Variants in ADGRB3 observed in about 807,000 individuals in gnomAD.
The protein encoded by ADGRB3 is adhesion G protein-coupled receptor B3.
In ADGRB3, 37 loss-of-function variants were observed where a neutral mutation model predicts 193.4. That is an observed-to-expected ratio of 0.19 (90% confidence interval 0.15 to 0.25). The LOEUF is 0.25. Ranked by LOEUF, ADGRB3 falls within the 10% of genes least tolerant of loss-of-function variation. The pLI is 1.00. For synonymous variants in ADGRB3, 690 were observed against 644.2 expected (o/e 1.07, Z -1.08); for missense variants, 1,637 against 1,852.9 (o/e 0.88, Z 2.14).
chr6:69,108,146 A>G (rs1249571122), intron 17 of ADGRB3, among the ~76,000 whole-genome samples: 2 of 152,100 alleles, frequency 1.3e-5, no homozygotes, highest in Admixed American at 1.3e-4. Context: ...CACAGAAACT[A>G]TTCAGTCTTT....
intron 3 of ADGRB3, among the ~76,000 whole-genome samples, chr6:68,767,578 A>G (rs1016616249): frequency 1.3e-5 from 2 of 152,214 alleles, no homozygotes; most frequent in Non-Finnish European, 2.9e-5. Context: ...ACCCGTAGCC[A>G]ATATCATATT....
chr6:69,065,166 C>A (rs2150308810), intron 16 of ADGRB3, among the ~76,000 whole-genome samples: 1 of 152,212 alleles, frequency 6.6e-6, no homozygotes, highest in East Asian at 1.9e-4. Context: ...GAATATATCT[C>A]CACTCTAGAA....
intron 17 of ADGRB3, among the ~76,000 whole-genome samples, chr6:69,202,024 A>G (rs1765436572): frequency 6.6e-6 from 1 of 152,110 alleles, no homozygotes; most frequent in African/African-American, 2.4e-5. Context: ...GTGCCATAGG[A>G]CACCATTCCT....
intron 3 of ADGRB3, among the ~76,000 whole-genome samples, chr6:68,740,260 T>A (rs1392523011): frequency 6.6e-6 from 1 of 152,200 alleles, no homozygotes; most frequent in African/African-American, 2.4e-5. Flanking sequence ...TGTTATCACT[T>A]ATATCCAAAG....
At chr6:69,238,926 C>T (rs1001200263) in intron 19 of ADGRB3, among the ~76,000 whole-genome samples, 198 bp from the exon 20 acceptor site, 1 of 151,988 alleles carries the variant, frequency 6.6e-6, no homozygotes, top group Admixed American at 6.6e-5. Context: ...GACGCTTGCA[C>T]ATGCCATACC....
At chr6:68,975,452 A>C (rs925975465) in intron 10 of ADGRB3, 112 bp downstream of exon 10, 2 of 765,632 alleles carry the variant, frequency 2.6e-6, no homozygotes, top group African/African-American at 3.5e-5. Flanking sequence ...TCTAAAAAAG[A>C]AATGCCTGAA....
intron 17 of ADGRB3, among the ~76,000 whole-genome samples, chr6:69,182,625 T>A (rs1775618184): frequency 6.6e-6 from 1 of 152,126 alleles, no homozygotes; most frequent in Non-Finnish European, 1.5e-5. Context: ...ATCACTGCCA[T>A]TATTTCTGCA....
intron 3 of ADGRB3, among the ~76,000 whole-genome samples, chr6:68,723,641 T>TG (rs1470981578): frequency 3.3e-5 from 5 of 151,742 alleles, no homozygotes; most frequent in Non-Finnish European, 7.4e-5. Flanking sequence ...GGATATACCT[T>TG]GGGGCTAAGA....
chr6:68,661,529 ATG>A (rs1269931376), intron 3 of ADGRB3, among the ~76,000 whole-genome samples: 1 of 36,248 alleles, frequency 2.8e-5, no homozygotes, highest in East Asian at 7.0e-4. Flanking sequence ...ACATATATAT[ATG>A]TGTATACATA....
At chr6:68,858,883 G>A (rs1431020302) in intron 3 of ADGRB3, among the ~76,000 whole-genome samples, 1 of 152,212 alleles carries the variant, frequency 6.6e-6, no homozygotes, top group East Asian at 1.9e-4. Context: ...TGGGGCTGCT[G>A]TGAAGATCTC....
At chr6:69,228,440 T>G (rs58964473) in intron 17 of ADGRB3, among the ~76,000 whole-genome samples, 11 of 152,144 alleles carry the variant, frequency 7.2e-5, no homozygotes, top group African/African-American at 2.7e-4. Flanking sequence ...TCAACTAATA[T>G]TATGATGTTG....
chr6:69,305,272 T>C (rs1768040755), intron 20 of ADGRB3, among the ~76,000 whole-genome samples: 1 of 151,608 alleles, frequency 6.6e-6, no homozygotes, highest in South Asian at 2.1e-4. Context: ...ACAAAGTTAA[T>C]TCTTCTGATT....
At chr6:69,116,011 A>C (rs1236845712) in intron 17 of ADGRB3, among the ~76,000 whole-genome samples, 1 of 152,152 alleles carries the variant, frequency 6.6e-6, no homozygotes, top group Non-Finnish European at 1.5e-5. Context: ...TAGGCTATCG[A>C]GCAGGGCATT....
intron 3 of ADGRB3, among the ~76,000 whole-genome samples, chr6:68,765,537 G>GACACACACACAC (rs59919588): frequency 0.039 from 5,619 of 143,494 alleles, 153 homozygotes; most frequent in Admixed American, 0.077. Context: ...TATTCTTATA[G>GACACACACACAC]ACACACACAC....
At chr6:69,302,809 G>A (rs953527263) in intron 20 of ADGRB3, among the ~76,000 whole-genome samples, 6 of 151,946 alleles carry the variant, frequency 3.9e-5, no homozygotes, top group East Asian at 1.9e-4. Flanking sequence ...ACTCCTGCTG[G>A]AGAAAACTGT....
At chr6:68,693,792 CTT>C (rs911924832) in intron 3 of ADGRB3, among the ~76,000 whole-genome samples, 7 of 151,906 alleles carry the variant, frequency 4.6e-5, no homozygotes, top group Non-Finnish European at 8.8e-5. Flanking sequence ...GTGAAGAAAA[CTT>C]TGCATTGGTA....
At chr6:68,715,128 T>G (rs1349347917) in intron 3 of ADGRB3, among the ~76,000 whole-genome samples, 1 of 151,756 alleles carries the variant, frequency 6.6e-6, no homozygotes, top group Non-Finnish European at 1.5e-5. Context: ...ACAGCAAAAC[T>G]ATAGTCTGAT....
intron 15 of ADGRB3, among the ~76,000 whole-genome samples, chr6:69,059,967 G>A (rs1771678211): frequency 6.6e-6 from 1 of 151,888 alleles, no homozygotes; most frequent in Admixed American, 6.6e-5. Context: ...ATAAATGATA[G>A]ATAAAAATCT....
chr6:69,347,028 A>G (rs929606288), intron 26 of ADGRB3, among the ~76,000 whole-genome samples: 1 of 152,190 alleles, frequency 6.6e-6, no homozygotes. Flanking sequence ...CTACGCAGCC[A>G]TAAAAAGGAT....
Sources: gnomAD v4.1 joint callset for allele counts (sites outside exome capture counted in the v4.1 genomes callset) on GRCh38, gnomAD v4.1.1 for gene constraint, MANE v1.5 for transcripts, NCBI Gene and HGNC (gene_info 2026-07-23, HGNC 2026-07-21) for gene names.